Variants in ACER3 observed in about 807,000 individuals in gnomAD.
ACER3 encodes the protein alkaline ceramidase 3.
A neutral mutation model predicts 48.9 loss-of-function variants in ACER3; 16 were observed. The observed-to-expected ratio is 0.33, with a 90% CI of 0.22 to 0.50. The LOEUF (loss-of-function observed/expected upper bound fraction) is 0.50. Among genes scored for constraint, ACER3 ranks in the 20% least tolerant of loss-of-function variants. ACER3 has a pLI of 0.98. For synonymous variants in ACER3, 109 were observed against 107.8 expected, an observed-to-expected ratio of 1.01 and a Z score of -0.07; for missense variants, 227 against 326.0, an observed-to-expected ratio of 0.70 and a Z score of 2.34.
At chr11:77,003,763 A>G (rs1336910128) in intron 7 of ACER3, among the ~76,000 whole-genome samples, 1 of 152,100 alleles carries the variant, frequency 6.6e-6, no homozygotes, top group Non-Finnish European at 1.5e-5. Flanking sequence ...ATTCAGTTCA[A>G]TGTACTTTTT....
intron 1 of ACER3, among the ~76,000 whole-genome samples, chr11:76,879,927 A>C (rs979971139): frequency 4.6e-5 from 7 of 152,042 alleles, no homozygotes; most frequent in African/African-American, 1.4e-4. Flanking sequence ...TGTGTTTTTC[A>C]AGGAAATTTG....
intron 1 of ACER3, among the ~76,000 whole-genome samples, chr11:76,864,596 A>AGTTTTTTTTTT (rs1945025071): frequency 2.0e-5 from 2 of 99,926 alleles, no homozygotes; most frequent in Non-Finnish European, 4.0e-5. Context: ...TGGAATGGGT[A>AGTTTTTTTTTT]TTTTTTTTTT....
At chr11:76,957,482 C>T (rs533033925) in intron 2 of ACER3, 8 of 450,584 alleles carry the variant, frequency 1.8e-5, no homozygotes, top group South Asian at 6.3e-5. Context: ...CTCACTCTGT[C>T]GCCGAGGCTG....
chr11:76,939,800 A>C (rs924261862), intron 2 of ACER3, among the ~76,000 whole-genome samples: 1 of 152,198 alleles, frequency 6.6e-6, no homozygotes, highest in Non-Finnish European at 1.5e-5. Context: ...GTCATGAAAA[A>C]CAAATAATTC....
Position 76,955,039 on chromosome 11 carries a change from C to T in ACER3, c.215-3940C>T, listed in dbSNP as rs556341518. ...ATTTATTGAAAACAAATGGTGTCCT[C>T]GTTAAGGAAATACTAATCAAAATGA... On this transcript the variant is annotated intron_variant, in intron 2 of 10. Coordinates refer to ENST00000532485, the MANE Select transcript of ACER3 (RefSeq NM_018367.7). 7.2e-5 allele frequency among the ~76,000 whole-genome samples: 11 copies of T among 152,160 alleles called. No homozygotes were observed. In the East Asian group the frequency reaches 2.1e-3, roughly 29 times the overall value.
Position 76,984,760 on chromosome 11 carries a change from C to A in ACER3, c.321-883C>A, listed in dbSNP as rs1240162413. 2.0e-5 allele frequency among the ~76,000 whole-genome samples: 3 copies of A among 152,064 alleles called. No homozygotes were observed. The East Asian group carries it at 5.8e-4, about 29-fold the overall frequency. On this transcript the variant is annotated intron_variant, in intron 4 of 10. Coordinates refer to ENST00000532485, the MANE Select transcript of ACER3 (RefSeq NM_018367.7). ...ACTACTATTTTCTCCAATAATATTC[C>A]TTAGGAATCATTAGTTGCAAGATAT... is the stretch of plus-strand genomic sequence containing the variant.
intron 1 of ACER3, among the ~76,000 whole-genome samples, chr11:76,914,327 A>G (rs541010756): frequency 4.6e-5 from 7 of 152,338 alleles, no homozygotes; most frequent in African/African-American, 1.7e-4. Context: ...TCCAGAATCT[A>G]CAAAGAACTC....
intron 2 of ACER3, among the ~76,000 whole-genome samples, chr11:76,948,297 C>T (rs969462606): frequency 2.0e-5 from 3 of 147,458 alleles, no homozygotes; most frequent in Non-Finnish European, 4.5e-5. Context: ...AGGTTACATA[C>T]TAGTTAACAG....
rs200600325 is a variant in ACER3, at chr11:76,868,393, G to C, written c.103+7314G>C. 5.8e-3 allele frequency: 530 copies of C among 91,504 alleles called. 1 individual carries two copies. The highest frequency in any genetic ancestry group is 0.038 in the Middle Eastern group (10 of 260). 5.7% of individuals were successfully genotyped at this position (91,504 alleles called of 1,614,324 possible). A position where few individuals can be genotyped will look rare whatever the true frequency, so the allele number is the denominator to read the frequency against. Reference sequence around the variant, plus strand: ...TTTTAATATCTCTCTCTCTCTCTCTGTGTGTGTGTGTGTGTGTGTGTGTGT... The same window carrying C: ...TTTTAATATCTCTCTCTCTCTCTCTCTGTGTGTGTGTGTGTGTGTGTGTGT... On this transcript the variant is annotated intron_variant, in intron 1 of 10. Coordinates refer to ENST00000532485, the MANE Select transcript of ACER3 (RefSeq NM_018367.7).
chr11:76,969,101 A>G (rs1352133391), intron 3 of ACER3, among the ~76,000 whole-genome samples: 1 of 152,218 alleles, frequency 6.6e-6, no homozygotes, highest in Non-Finnish European at 1.5e-5. Context: ...TTACAAGAAA[A>G]AAACAAACAA....
At chr11:76,961,849 G>C (rs560218927) in intron 3 of ACER3, among the ~76,000 whole-genome samples, 1 of 147,100 alleles carries the variant, frequency 6.8e-6, no homozygotes, top group Non-Finnish European at 1.5e-5. Flanking sequence ...TGATGTTAAA[G>C]AGTATATTTA....
intron 3 of ACER3, among the ~76,000 whole-genome samples, chr11:76,967,112 A>C (rs959232851): frequency 1.3e-5 from 2 of 152,192 alleles, no homozygotes; most frequent in Non-Finnish European, 2.9e-5. Context: ...ACAATCAAAA[A>C]TGATAAAGGG....
At chr11:76,995,893 A>C (rs1397171099) in intron 6 of ACER3, among the ~76,000 whole-genome samples, 2 of 152,182 alleles carry the variant, frequency 1.3e-5, no homozygotes, top group African/African-American at 4.8e-5. Flanking sequence ...TGACTCCTAT[A>C]TGCTGACAGT....
At chr11:76,939,039 T>A (rs1947269595) in intron 2 of ACER3, among the ~76,000 whole-genome samples, 1 of 151,060 alleles carries the variant, frequency 6.6e-6, no homozygotes, top group African/African-American at 2.4e-5. Context: ...CAATCTGAAC[T>A]TAATAATCTG....
chr11:76,870,900 A>T (rs1189752190), intron 1 of ACER3, among the ~76,000 whole-genome samples: 1 of 152,240 alleles, frequency 6.6e-6, no homozygotes, highest in African/African-American at 2.4e-5. Context: ...AATATTAAAA[A>T]TAGCCAGTAG....
chr11:76,866,632 T>C (rs1945096364), intron 1 of ACER3, among the ~76,000 whole-genome samples: 1 of 152,234 alleles, frequency 6.6e-6, no homozygotes, highest in Admixed American at 6.5e-5. Context: ...TTTGAGGATA[T>C]TGGAACCCTG....
At chr11:76,886,717 G>T (rs1455122053) in intron 1 of ACER3, among the ~76,000 whole-genome samples, 1 of 152,182 alleles carries the variant, frequency 6.6e-6, no homozygotes, top group Non-Finnish European at 1.5e-5. Context: ...GCCTGACTCT[G>T]TGGCCCAGGC....
chr11:76,991,847 G>T (rs1408437462), intron 6 of ACER3, among the ~76,000 whole-genome samples: 1 of 145,384 alleles, frequency 6.9e-6, no homozygotes, highest in African/African-American at 2.5e-5. Context: ...GAAAAGAAAA[G>T]ACATCCTCAC....
At position 76,926,574 on chromosome 11, in the gene ACER3, C is replaced by G; in HGVS notation, c.121C>G (p.Leu41Val). Residue 41 changes from leucine to valine, a missense_variant, in exon 2 of 11, where the codon CTG becomes GTG. Leu to Val is a conservative substitution (Grantham distance 32). This residue lies in a region of ACER3 where 195 missense variants were observed against 290.8 expected (regional missense o/e 0.67). Transcript: ENST00000532485. ...TCTTAAAGGGAATACAGTGAGTAACCTGATCATGATTATACCTCCAATGTT... is the reference window on the plus strand; with the variant it reads ...TCTTAAAGGGAATACAGTGAGTAACGTGATCATGATTATACCTCCAATGTT... ...IAEFWNTVSN[L>V]IMIIPPMFGA... 3 of 1,605,294 alleles carry G rather than the reference C, an allele frequency of 1.9e-6. No individual in the cohort carries two copies. The highest frequency in any genetic ancestry group is 2.6e-6 in the Non-Finnish European group (3 of 1,172,854).
Sources: gnomAD v4.1 joint callset for allele counts (sites outside exome capture counted in the v4.1 genomes callset) on GRCh38, gnomAD v4.1.1 for gene constraint, gnomAD v4.1.1 regional missense constraint, MANE v1.5 for transcripts, NCBI Gene and HGNC (gene_info 2026-07-23, HGNC 2026-07-21) for gene names.